Variants in MIPOL1 observed in about 807,000 individuals in gnomAD.
MIPOL1 encodes mirror-image polydactyly gene 1 protein.
In MIPOL1, 57 loss-of-function variants were observed where a neutral mutation model predicts 60.9. The ratio of observed to expected loss-of-function variants is 0.94; its 90% CI spans 0.76 to 1.17. The LOEUF (loss-of-function observed/expected upper bound fraction) is 1.17. MIPOL1 is among the 50% of genes most tolerant of loss of function. MIPOL1 has a pLI of 0.00. For missense variants in MIPOL1, 551 were observed against 511.6 expected (o/e 1.08, Z -0.74); for synonymous variants, 179 against 168.8 (o/e 1.06, Z -0.47).
chr14:37,242,242 TTCTC>T (rs1414546797), intron 1 of MIPOL1, among the ~76,000 whole-genome samples: 2 of 152,136 alleles, frequency 1.3e-5, no homozygotes, highest in African/African-American at 4.8e-5. Context: ...CTTTCCCTCA[TTCTC>T]TCTGTCTCCC....
At position 37,197,955 on chromosome 14, in the gene MIPOL1, C is replaced by G. The variant is rs1336958122; in HGVS notation, c.-348C>G. The stretch of plus-strand genomic sequence containing the variant: ...GCCCCGTAGGCCCCACGCGCCGCCC[C>G]GCTCCTCCGCCGGATCGTCTGTGGG... On this transcript the variant is annotated 5_prime_UTR_variant, in exon 1 of 13. Transcript: ENST00000684589. 6.6e-6 allele frequency: 1 copy of G among 152,210 alleles called. No individual in the cohort carries two copies. The highest frequency in any genetic ancestry group is 2.4e-5 in the African/African-American group (1 of 41,440). 9.4% of individuals were successfully genotyped at this position (152,210 alleles called of 1,614,324 possible).
chr14:37,208,775 G>A (rs1229110691), intron 1 of MIPOL1, among the ~76,000 whole-genome samples: 2 of 152,100 alleles, frequency 1.3e-5, no homozygotes, highest in Non-Finnish European at 2.9e-5. Flanking sequence ...TGTATTAGTA[G>A]AGATGGGGAT....
chr14:37,262,767 G>A (rs962789207), intron 3 of MIPOL1, among the ~76,000 whole-genome samples: 2 of 152,054 alleles, frequency 1.3e-5, no homozygotes, highest in Non-Finnish European at 2.9e-5. Context: ...CAGGTAGCTG[G>A]GATGTTGCTA....
At chr14:37,494,812 G>A (rs2153608613) in intron 11 of MIPOL1, among the ~76,000 whole-genome samples, 1 of 152,266 alleles carries the variant, frequency 6.6e-6, no homozygotes, top group East Asian at 1.9e-4. Context: ...GTTTTTAAGT[G>A]ACATTGTCTA....
intron 11 of MIPOL1, among the ~76,000 whole-genome samples, chr14:37,489,398 C>T (rs915915251): frequency 9.9e-5 from 15 of 152,134 alleles, no homozygotes; most frequent in Non-Finnish European, 1.6e-4. Context: ...TTAGAACATG[C>T]TCCTTTAGCT....
At chr14:37,258,987 T>G (rs1975431651) in intron 3 of MIPOL1, among the ~76,000 whole-genome samples, 1 of 152,172 alleles carries the variant, frequency 6.6e-6, no homozygotes, top group African/African-American at 2.4e-5. Context: ...GTCATTGAAT[T>G]GTTGTATCTA....
chr14:37,283,057 CTGTT>C (rs148441225), intron 6 of MIPOL1, among the ~76,000 whole-genome samples: 17,507 of 148,984 alleles, frequency 0.12, 2,955 homozygotes, highest in African/African-American at 0.37. Context: ...TTTGATGTTG[CTGTT>C]TGTTTGTTTG....
At chr14:37,292,951 C>A (rs1291649452) in intron 7 of MIPOL1, among the ~76,000 whole-genome samples, 2 of 152,034 alleles carry the variant, frequency 1.3e-5, no homozygotes, top group East Asian at 3.9e-4. Flanking sequence ...CTGTCTTCTG[C>A]CTGTGGGATT....
intron 12 of MIPOL1, among the ~76,000 whole-genome samples, chr14:37,511,224 C>T (rs1418783121): frequency 6.6e-6 from 1 of 152,150 alleles, no homozygotes; most frequent in Non-Finnish European, 1.5e-5. Context: ...GCATGCCATA[C>T]CTCATCACCA....
chr14:37,347,713 G>A (rs1237362513), intron 9 of MIPOL1, among the ~76,000 whole-genome samples: 2 of 152,030 alleles, frequency 1.3e-5, no homozygotes, highest in Admixed American at 6.6e-5. Flanking sequence ...AACCTACAAA[G>A]GAATTACTGT....
At chr14:37,309,746 G>T (rs1354110882) in intron 9 of MIPOL1, among the ~76,000 whole-genome samples, 1 of 150,438 alleles carries the variant, frequency 6.6e-6, no homozygotes, top group Admixed American at 6.6e-5. Context: ...GAGTGCAGTA[G>T]TGTGATCTTG....
At chr14:37,274,561 A>G (rs1343070226) in intron 6 of MIPOL1, among the ~76,000 whole-genome samples, 2 of 151,390 alleles carry the variant, frequency 1.3e-5, no homozygotes, top group African/African-American at 4.8e-5. Flanking sequence ...TATAAGACAG[A>G]TTTGGGATCT....
intron 11 of MIPOL1, among the ~76,000 whole-genome samples, chr14:37,475,117 A>G (rs2153593187): frequency 6.6e-6 from 1 of 152,144 alleles, no homozygotes; most frequent in Admixed American, 6.6e-5. Context: ...GGCATGCACC[A>G]TCAGGCCTGG....
intron 12 of MIPOL1, among the ~76,000 whole-genome samples, chr14:37,533,263 G>A (rs918580453): frequency 4.6e-5 from 7 of 152,206 alleles, no homozygotes; most frequent in South Asian, 2.1e-4. Context: ...AGCAGTGACC[G>A]TCTGAAAGTC....
intron 11 of MIPOL1, among the ~76,000 whole-genome samples, chr14:37,470,810 A>T (rs771664688): frequency 1.3e-5 from 2 of 152,166 alleles, no homozygotes; most frequent in Non-Finnish European, 2.9e-5. Flanking sequence ...AAGTAAGCAG[A>T]AACCAGAAGT....
chr14:37,483,353 G>A (rs1467306445), intron 11 of MIPOL1, among the ~76,000 whole-genome samples: 2 of 151,838 alleles, frequency 1.3e-5, no homozygotes, highest in East Asian at 1.9e-4. Flanking sequence ...GGGCTCAAGC[G>A]ATCGAACTGC....
intron 12 of MIPOL1, among the ~76,000 whole-genome samples, chr14:37,514,246 G>A (rs1273100849): frequency 6.6e-6 from 1 of 152,002 alleles, no homozygotes; most frequent in African/African-American, 2.4e-5. Context: ...TCACTTGACA[G>A]GCTACATAGC....
chr14:37,499,074 A>G (rs1048334573), intron 11 of MIPOL1, among the ~76,000 whole-genome samples: 1 of 152,162 alleles, frequency 6.6e-6, no homozygotes, highest in Non-Finnish European at 1.5e-5. Flanking sequence ...AAAAAAGAAC[A>G]TCTCCTGTGT....
chr14:37,199,802 G>A (rs1964931890), intron 1 of MIPOL1, among the ~76,000 whole-genome samples: 1 of 152,118 alleles, frequency 6.6e-6, no homozygotes, highest in Non-Finnish European at 1.5e-5. Flanking sequence ...TGGGATTACA[G>A]GTGTGAACCA....
Sources: gnomAD v4.1 joint callset for allele counts (sites outside exome capture counted in the v4.1 genomes callset) on GRCh38, gnomAD v4.1.1 for gene constraint, MANE v1.5 for transcripts, NCBI Gene and HGNC (gene_info 2026-07-23, HGNC 2026-07-21) for gene names.